Variants in JAKMIP1 observed in about 807,000 individuals in gnomAD.
JAKMIP1 encodes janus kinase and microtubule-interacting protein 1.
In JAKMIP1, 33 loss-of-function variants were observed where a neutral mutation model predicts 113.0. The observed-to-expected ratio is 0.29, with a 90% CI of 0.22 to 0.39. The LOEUF is 0.39. JAKMIP1 is among the 10% of genes least tolerant of loss of function. The pLI is 1.00. For missense variants in JAKMIP1, 813 were observed against 1,080.5 expected (o/e 0.75, Z 3.47); for synonymous variants, 480 against 459.9 (o/e 1.04, Z -0.56).
chr4:6,038,704 G>T (rs1429438337), intron 18 of JAKMIP1, among the ~76,000 whole-genome samples: 1 of 152,218 alleles, frequency 6.6e-6, no homozygotes, highest in Non-Finnish European at 1.5e-5. Flanking sequence ...TGCCCTTGGG[G>T]AACTAGAAGG....
At chr4:6,165,655 T>A (rs1348047277) in intron 1 of JAKMIP1, among the ~76,000 whole-genome samples, 1 of 152,224 alleles carries the variant, frequency 6.6e-6, no homozygotes, top group African/African-American at 2.4e-5. Flanking sequence ...ATAATGCTAT[T>A]GTACACTTAA....
rs1717881863 is a variant in JAKMIP1 at position 6,065,131 on chromosome 4, C to T, written c.1303-123G>A. ...TGACATTTGGGCCACTGGGGCATCA[C>T]AAGATGCGGTTGGTGGGCTTCGTAA... is the stretch of plus-strand genomic sequence containing the variant. On this transcript the variant is annotated intron_variant, in intron 8 of 20. Coordinates refer to ENST00000409021, the MANE Select transcript of JAKMIP1 (RefSeq NM_001099433.2). The surrounding 1 kb of genome is among the most constrained non-coding windows in gnomAD (Gnocchi z 5.1). 5.8e-6 allele frequency: 7 copies of T among 1,215,746 alleles called. No homozygotes were observed. The highest frequency in any genetic ancestry group is 8.3e-6 in the Non-Finnish European group (7 of 840,202). 75.3% of individuals were successfully genotyped at this position (1,215,746 alleles called of 1,614,324 possible).
chr4:6,099,095 G>C (rs917580577), intron 3 of JAKMIP1, among the ~76,000 whole-genome samples: 1 of 152,174 alleles, frequency 6.6e-6, no homozygotes, highest in Non-Finnish European at 1.5e-5. Flanking sequence ...TGCTCACAGA[G>C]CATGTTTTCT....
At chr4:6,151,195 A>C (rs11932008) in intron 1 of JAKMIP1, among the ~76,000 whole-genome samples, 3 of 151,988 alleles carry the variant, frequency 2.0e-5, no homozygotes, top group Admixed American at 6.5e-5. Context: ...AATGGCCACC[A>C]TGTCTATGTT....
intron 1 of JAKMIP1, among the ~76,000 whole-genome samples, chr4:6,133,746 T>C (rs4541599): frequency 0.58 from 88,918 of 152,126 alleles, 26,113 homozygotes; most frequent in Admixed American, 0.64. Flanking sequence ...TTGGCAAATC[T>C]GCCACACAGT....
intron 2 of JAKMIP1, 85 bp downstream of exon 2, chr4:6,112,637 G>T (rs562799176): frequency 1.3e-6 from 2 of 1,511,364 alleles, no homozygotes; most frequent in Non-Finnish European, 9.0e-7. Context: ...CCTGGAACAG[G>T]CTCTTCACAC....
intron 1 of JAKMIP1, among the ~76,000 whole-genome samples, chr4:6,145,549 G>C (rs924023992): frequency 1.3e-5 from 2 of 152,034 alleles, no homozygotes; most frequent in Non-Finnish European, 1.5e-5. Flanking sequence ...ATATTCAAAA[G>C]AATAAGAGCT....
At chr4:6,113,085 C>A (rs1044540363) in intron 1 of JAKMIP1, 88 bp from the exon 2 acceptor site, 2 of 572,400 alleles carry the variant, frequency 3.5e-6, no homozygotes, top group African/African-American at 1.9e-5. Context: ...CAGGCACCTG[C>A]CTCATCTGGA....
chr4:6,101,984 A>G (rs1486784967), intron 3 of JAKMIP1, among the ~76,000 whole-genome samples: 1 of 151,700 alleles, frequency 6.6e-6, no homozygotes, highest in Non-Finnish European at 1.5e-5. Context: ...GGAAAAACTG[A>G]TATCTATACT....
chr4:6,198,211 A>C (rs948698426), intron 1 of JAKMIP1, among the ~76,000 whole-genome samples: 18 of 152,244 alleles, frequency 1.2e-4, no homozygotes, highest in Non-Finnish European at 2.9e-5. Flanking sequence ...GAAGCACACA[A>C]TCTTTCCGGC....
At chr4:6,103,518 A>C (rs1713426452) in intron 3 of JAKMIP1, among the ~76,000 whole-genome samples, 1 of 152,216 alleles carries the variant, frequency 6.6e-6, no homozygotes, top group African/African-American at 2.4e-5. Flanking sequence ...TGGCTTCATA[A>C]GTTAGTTAAA....
chr4:6,119,169 G>C (rs1176801696), intron 1 of JAKMIP1, among the ~76,000 whole-genome samples: 1 of 152,186 alleles, frequency 6.6e-6, no homozygotes, highest in Non-Finnish European at 1.5e-5. Context: ...AACTGCGAGA[G>C]TAAATTTCTG....
chr4:6,074,966 T>C (rs1373581277), intron 8 of JAKMIP1, among the ~76,000 whole-genome samples: 1 of 152,226 alleles, frequency 6.6e-6, no homozygotes, highest in Non-Finnish European at 1.5e-5. Context: ...CAAGTATACT[T>C]CATGATGTTT....
intron 19 of JAKMIP1, among the ~76,000 whole-genome samples, chr4:6,035,127 CTCTT>C (rs1439958679): frequency 6.6e-6 from 1 of 152,082 alleles, no homozygotes; most frequent in East Asian, 1.9e-4. Flanking sequence ...CTCTCTCTCT[CTCTT>C]TCTCTTTCTC....
intron 3 of JAKMIP1, among the ~76,000 whole-genome samples, chr4:6,100,816 GATCA>G (rs1328319473): frequency 6.6e-6 from 1 of 152,032 alleles, no homozygotes; most frequent in African/African-American, 2.4e-5. Flanking sequence ...GTTCCCTGAT[GATCA>G]ATGAGGTAGA....
chr4:6,174,206 A>T (rs1474878851), intron 1 of JAKMIP1, among the ~76,000 whole-genome samples: 1 of 152,254 alleles, frequency 6.6e-6, no homozygotes. Flanking sequence ...GCCTTGATCC[A>T]GGCCTCAGAA....
At chr4:6,028,421 G>C (rs532573816) in intron 20 of JAKMIP1, among the ~76,000 whole-genome samples, 2 of 152,218 alleles carry the variant, frequency 1.3e-5, no homozygotes, top group Non-Finnish European at 2.9e-5. Context: ...ACCTCCAGCA[G>C]AGATGGGAAG....
At chr4:6,063,739 C>A (rs190466777) in intron 9 of JAKMIP1, among the ~76,000 whole-genome samples, 127 of 152,340 alleles carry the variant, frequency 8.3e-4, no homozygotes, top group African/African-American at 3.0e-3. Context: ...AGGAAACCAG[C>A]CTAGAAGTCA....
In JAKMIP1 at chr4:6,049,037, G is replaced by T; in HGVS notation, c.1963-115C>A. 2 of 784,678 alleles carry T rather than the reference G, an allele frequency of 2.5e-6. No homozygotes were observed. The highest frequency in any genetic ancestry group is 4.3e-6 in the Non-Finnish European group (2 of 466,238). 48.6% of individuals were successfully genotyped at this position (784,678 alleles called of 1,614,324 possible). Reference sequence around the variant, plus strand: ...TGTTGTTGTTTGTTTTATTATGTTTGTTTGTTTTGAGACGGAGTCTCTCTC... The same window carrying T: ...TGTTGTTGTTTGTTTTATTATGTTTTTTTGTTTTGAGACGGAGTCTCTCTC... On this transcript the variant is annotated intron_variant, in intron 15 of 20. Transcript: ENST00000409021. The surrounding 1 kb of genome is among the most constrained non-coding windows in gnomAD (Gnocchi z 7.0).
Sources: allele counts gnomAD v4.1 joint callset (sites outside exome capture counted in the v4.1 genomes callset), GRCh38; gene constraint gnomAD v4.1.1; non-coding constraint Gnocchi (gnomAD v3.1); transcripts MANE v1.5; gene names NCBI Gene and HGNC (gene_info 2026-07-23, HGNC 2026-07-21).